MORN1: variants seen among roughly 807,000 people sequenced by gnomAD.
MORN1 encodes MORN repeat-containing protein 1.
In MORN1, 67 loss-of-function variants were observed where a neutral mutation model predicts 61.9. The observed-to-expected ratio is 1.08, with a 90% CI of 0.89 to 1.33. The LOEUF (loss-of-function observed/expected upper bound fraction) is 1.33, where lower values mean the gene tolerates loss of function less well. Ranked by LOEUF, MORN1 falls within the 40% of genes most tolerant of loss-of-function variation. MORN1 has a pLI of 0.00. For missense variants in MORN1, 752 were observed against 691.2 expected, an observed-to-expected ratio of 1.09 and a Z score of -0.99; for synonymous variants, 301 against 292.0, an observed-to-expected ratio of 1.03 and a Z score of -0.31.
chr1:2,363,805 C>CAAACAAAAAA (rs140866260), intron 8 of MORN1, among the ~76,000 whole-genome samples: 59 of 124,878 alleles, frequency 4.7e-4, no homozygotes, highest in South Asian at 4.3e-3. Context: ...AACAAACAAA[C>CAAACAAAAAA]AAAAAAATAT....
chr1:2,343,819 G>C (rs1461715771), intron 10 of MORN1, among the ~76,000 whole-genome samples: 4 of 152,188 alleles, frequency 2.6e-5, no homozygotes, highest in Non-Finnish European at 5.9e-5. Context: ...CTCTGGCTTG[G>C]GGTTTGGACT....
chr1:2,374,397 C>CG, intron 7 of MORN1, 64 bp downstream of exon 7: 2 of 1,444,364 alleles, frequency 1.4e-6, no homozygotes, highest in South Asian at 1.2e-5. Context: ...TATGGCTGCC[C>CG]GGGGGCCAGG....
intron 10 of MORN1, among the ~76,000 whole-genome samples, chr1:2,348,378 C>T (rs56030548): frequency 0.29 from 44,837 of 152,130 alleles, 7,446 homozygotes; most frequent in African/African-American, 0.45. Flanking sequence ...TGGAGTCCAC[C>T]GTGAGGCTGG....
At chr1:2,362,608 A>G (rs537583024) in intron 8 of MORN1, among the ~76,000 whole-genome samples, 1 of 152,356 alleles carries the variant, frequency 6.6e-6, no homozygotes, top group East Asian at 1.9e-4. Context: ...TGGAAGAAAT[A>G]ATGGTTGAAA....
At chr1:2,352,137 TG>T in intron 10 of MORN1, 1 of 380,568 alleles carries the variant, frequency 2.6e-6, no homozygotes. Context: ...GTGAGCTTTT[TG>T]TCCCCTGGTT....
intron 10 of MORN1, among the ~76,000 whole-genome samples, chr1:2,347,123 T>C (rs1424914728): frequency 6.6e-6 from 1 of 152,168 alleles, no homozygotes; most frequent in African/African-American, 2.4e-5. Flanking sequence ...CCAGCTGCAC[T>C]CTTGGCCCCA....
intron 12 of MORN1, among the ~76,000 whole-genome samples, chr1:2,335,339 C>T (rs572890417): frequency 2.6e-5 from 4 of 152,296 alleles, no homozygotes; most frequent in East Asian, 1.9e-4. Flanking sequence ...AAGCAGGAGG[C>T]GGCCCCGGCA....
At chr1:2,369,852 G>C (rs1642077207) in intron 8 of MORN1, among the ~76,000 whole-genome samples, 1 of 152,210 alleles carries the variant, frequency 6.6e-6, no homozygotes, top group Admixed American at 6.5e-5. Context: ...TAAATGGAGA[G>C]ATGCTTCTGT....
intron 1 of MORN1, chr1:2,390,464 C>G (rs1642622553): frequency 1.0e-6 from 1 of 985,294 alleles, no homozygotes; most frequent in Non-Finnish European, 1.2e-6. Context: ...CACACTCATA[C>G]CCAAGGATGG....
At chr1:2,323,503 T>C in intron 13 of MORN1, 1 of 985,372 alleles carries the variant, frequency 1.0e-6, no homozygotes, top group African/African-American at 1.7e-5. Context: ...CGAGCCTTTG[T>C]GTAGCTGAGG....
intron 12 of MORN1, among the ~76,000 whole-genome samples, chr1:2,328,827 C>T (rs1050483755): frequency 3.9e-5 from 6 of 152,198 alleles, no homozygotes; most frequent in African/African-American, 9.6e-5. Flanking sequence ...ATGGAACACC[C>T]GGAGAATGTG....
chr1:2,377,669 C>T (rs1046672109), intron 6 of MORN1: 1 of 152,438 alleles, frequency 6.6e-6, no homozygotes, highest in Non-Finnish European at 1.5e-5. Context: ...AGGCCCTAGT[C>T]AGGCATCCAC....
Position 2,374,541 on chromosome 1 carries a change from T to C in MORN1, c.554A>G (p.Asp185Gly). 2 of 1,596,352 alleles carry C rather than the reference T, an allele frequency of 1.3e-6. 1 individual carries two copies. The highest frequency in any genetic ancestry group is 2.3e-5 in the South Asian group (2 of 87,522). ...CATGCTGCCCAGTCCACTGAAGACG[T>C]CGCTGTGCCACTGTCCCTGCAGAGA... ...GSTYKGQWHS[D>G]VFSGLGSMAH... The change falls in exon 7 of 14, where the codon GAC becomes GGC. Residue 185 changes from aspartate to glycine, a missense_variant. Asp to Gly is a moderately conservative substitution (Grantham distance 94). Coordinates refer to ENST00000378531, the MANE Select transcript of MORN1 (RefSeq NM_024848.3).
intron 10 of MORN1, among the ~76,000 whole-genome samples, chr1:2,338,539 A>C (rs1030847228): frequency 6.6e-6 from 1 of 152,186 alleles, no homozygotes; most frequent in Admixed American, 6.5e-5. Context: ...CACCCTCGGC[A>C]AGGTGACCGC....
At chr1:2,381,665 C>T (rs1025154809) in intron 6 of MORN1, among the ~76,000 whole-genome samples, 2 of 152,268 alleles carry the variant, frequency 1.3e-5, no homozygotes, top group East Asian at 1.9e-4. Flanking sequence ...TCGCAGAAAT[C>T]CTCTGCAAAA....
At chr1:2,358,112 G>T (rs564547519) in intron 9 of MORN1, among the ~76,000 whole-genome samples, 1 of 152,284 alleles carries the variant, frequency 6.6e-6, no homozygotes, top group African/African-American at 2.4e-5. Flanking sequence ...CTCTGTTTGC[G>T]TGTGGGTTTG....
At position 2,358,587 on chromosome 1, in the gene MORN1, C is replaced by T; in HGVS notation, c.869+5G>A. 1 of 1,614,100 alleles carries T rather than the reference C, an allele frequency of 6.2e-7. No homozygotes were observed. Among genetic ancestry groups the T allele is most frequent in the Non-Finnish European group, 8.5e-7 (1 of 1,179,966 alleles). The stretch of plus-strand genomic sequence containing the variant: ...AACTAACTCATTGGTGTCACACGTA[C>T]TCACAATGGGGTCTGGATGAGTGTC... On this transcript the variant is annotated splice_donor_5th_base_variant and intron_variant, in intron 9 of 13. Coordinates refer to ENST00000378531, the MANE Select transcript of MORN1 (RefSeq NM_024848.3).
intron 5 of MORN1, 146 bp downstream of exon 5, chr1:2,385,661 T>C: frequency 1.6e-6 from 1 of 638,162 alleles, no homozygotes; most frequent in Non-Finnish European, 2.7e-6. Context: ...AACTTGGCAC[T>C]GGGGGGGTGG....
At chr1:2,335,727 C>G (rs1400069135) in intron 12 of MORN1, among the ~76,000 whole-genome samples, 1 of 152,088 alleles carries the variant, frequency 6.6e-6, no homozygotes, top group African/African-American at 2.4e-5. Context: ...GTGCTGGTCA[C>G]TCTGCGAGCA....
Sources: allele counts gnomAD v4.1 joint callset (sites outside exome capture counted in the v4.1 genomes callset), GRCh38; gene constraint gnomAD v4.1.1; transcripts MANE v1.5; gene names NCBI Gene and HGNC (gene_info 2026-07-23, HGNC 2026-07-21).